Variants in AFF4 observed in about 807,000 individuals in gnomAD.
The protein encoded by AFF4 is ALF transcription elongation factor 4.
AFF4 carries 13 observed loss-of-function variants against 124.8 expected under a neutral mutation model. The ratio of observed to expected loss-of-function variants is 0.10; its 90% CI spans 0.07 to 0.17. The LOEUF (loss-of-function observed/expected upper bound fraction) is 0.17. AFF4 is among the 10% of genes least tolerant of loss of function. The pLI is 1.00. For missense variants in AFF4, 1,092 were observed against 1,403.8 expected (o/e 0.78, Z 3.55); for synonymous variants, 477 against 496.1 (o/e 0.96, Z 0.51).
intron 13 of AFF4, among the ~76,000 whole-genome samples, chr5:132,891,298 AAATTTT>A (rs1316318239): frequency 1.9e-4 from 29 of 152,296 alleles, no homozygotes; most frequent in Non-Finnish European, 1.5e-4. Flanking sequence ...TCAATTTAAA[AAATTTT>A]AATTTTACCA....
At chr5:132,919,347 T>C (rs1760986597) in intron 5 of AFF4, among the ~76,000 whole-genome samples, 1 of 152,110 alleles carries the variant, frequency 6.6e-6, no homozygotes, top group Non-Finnish European at 1.5e-5. Context: ...AACAGGTTAA[T>C]GAAACATAAA....
At chr5:132,934,968 T>C in intron 2 of AFF4, 27 bp from the exon 3 acceptor site, 1 of 1,458,230 alleles carries the variant, frequency 6.9e-7, no homozygotes, top group Non-Finnish European at 9.1e-7. Context: ...TAAAATAAAA[T>C]TATAAAATGA....
At chr5:132,884,880 A>C (rs1440901821) in intron 19 of AFF4, among the ~76,000 whole-genome samples, 196 bp downstream of exon 19, 1 of 152,230 alleles carries the variant, frequency 6.6e-6, no homozygotes, top group African/African-American at 2.4e-5. Flanking sequence ...TCTCATATCT[A>C]ATCTTTATGA....
chr5:132,959,716 A>C (rs1283223392), intron 1 of AFF4, among the ~76,000 whole-genome samples: 1 of 149,202 alleles, frequency 6.7e-6, no homozygotes, highest in Non-Finnish European at 1.5e-5. Context: ...ATAACCAAGA[A>C]GGGTATGTAT....
chr5:132,888,739 C>T (rs990668459), intron 14 of AFF4, among the ~76,000 whole-genome samples: 1 of 151,882 alleles, frequency 6.6e-6, no homozygotes, highest in Admixed American at 6.6e-5. Flanking sequence ...GCTCTGTTGC[C>T]CAGGCGGGAG....
chr5:132,877,051 TATGTTCC>T lies in AFF4; in HGVS notation c.*4001_*4007del, dbSNP rs1178273293. ...TAATGCATAAAGCTGAAATGAAATT[TATGTTCC>T]ATGTATTAGGGGATATACAGGTATG... is the stretch of plus-strand genomic sequence containing the variant. On this transcript the variant is annotated 3_prime_UTR_variant, in exon 21 of 21. Transcript: ENST00000265343. 2.5e-5 allele frequency: 5 copies of T among 200,806 alleles called. No homozygotes were observed. The highest frequency in any genetic ancestry group is 9.2e-5 in the African/African-American group (4 of 43,540). The allele number at this position is 200,806 out of a possible 1,614,324, so 12.4% of individuals were successfully genotyped here.
intron 5 of AFF4, among the ~76,000 whole-genome samples, chr5:132,919,160 A>G (rs1261232145): frequency 6.6e-6 from 1 of 152,232 alleles, no homozygotes; most frequent in Non-Finnish European, 1.5e-5. Flanking sequence ...TGCTGGGATT[A>G]CAGGTGTGAG....
In AFF4 at chr5:132,894,841, C is replaced by A. The variant is rs555727577; in HGVS notation, c.2307+1482G>T. Among the ~76,000 whole-genome samples the A allele has an allele frequency of 3.3e-5, 5 of 152,024 alleles. No homozygotes were observed. The South Asian group carries it at 1.0e-3, about 32-fold the overall frequency. ...TGGGGTCGCATGCCTGTAGTCCTAG[C>A]TACTTGGGAGGCTGAGGAGGGAGGA... On this transcript the variant is annotated intron_variant, in intron 11 of 20. Coordinates refer to ENST00000265343, the MANE Select transcript of AFF4 (RefSeq NM_014423.4).
In AFF4 at chr5:132,876,637, A is replaced by C. The variant is rs1002725603; in HGVS notation, c.*4422T>G. On this transcript the variant is annotated 3_prime_UTR_variant, in exon 21 of 21. Coordinates refer to ENST00000265343, the MANE Select transcript of AFF4 (RefSeq NM_014423.4). ...GATCTCTAAGACTTGGATTAGACTT[A>C]ACTTGAATACCTTATTCTGTGACCA... is the stretch of plus-strand genomic sequence containing the variant. 5.0e-6 allele frequency: 1 copy of C among 200,532 alleles called. No homozygotes were observed. Among genetic ancestry groups the C allele is most frequent in the Non-Finnish European group, 1.0e-5 (1 of 97,184 alleles). The allele number at this position is 200,532 out of a possible 1,614,324, so 12.4% of individuals were successfully genotyped here.
intron 1 of AFF4, among the ~76,000 whole-genome samples, chr5:132,951,824 A>G (rs1197418021): frequency 6.6e-6 from 1 of 152,124 alleles, no homozygotes; most frequent in African/African-American, 2.4e-5. Context: ...CACCACACCC[A>G]GCTAGGAATT....
intron 1 of AFF4, among the ~76,000 whole-genome samples, chr5:132,961,330 C>A (rs1581345556): frequency 1.3e-5 from 2 of 152,180 alleles, no homozygotes; most frequent in East Asian, 1.9e-4. Flanking sequence ...GGTTCTCATG[C>A]CTCAGCCTCT....
At chr5:132,920,641 C>T (rs1002554264) in intron 5 of AFF4, among the ~76,000 whole-genome samples, 1 of 152,082 alleles carries the variant, frequency 6.6e-6, no homozygotes, top group Non-Finnish European at 1.5e-5. Flanking sequence ...AGGCAAGAGC[C>T]ACCTCACCCA....
chr5:132,960,970 C>T (rs1413035401), intron 1 of AFF4, among the ~76,000 whole-genome samples: 1 of 152,096 alleles, frequency 6.6e-6, no homozygotes, highest in African/African-American at 2.4e-5. Context: ...TGCCTGTAAT[C>T]CCAACACTTT....
intron 1 of AFF4, among the ~76,000 whole-genome samples, chr5:132,953,555 A>G (rs1561513409): frequency 1.3e-5 from 2 of 152,184 alleles, no homozygotes; most frequent in East Asian, 3.9e-4. Flanking sequence ...ACCATGCCCA[A>G]TCCCAAAAAT....
chr5:132,894,399 C>T (rs933151101), intron 11 of AFF4, among the ~76,000 whole-genome samples: 18 of 152,258 alleles, frequency 1.2e-4, no homozygotes, highest in African/African-American at 3.9e-4. Flanking sequence ...TGATGGAAAA[C>T]ACAAGTGGTG....
chr5:132,956,920 T>A (rs1761973159), intron 1 of AFF4, among the ~76,000 whole-genome samples: 1 of 139,910 alleles, frequency 7.1e-6, no homozygotes, highest in Non-Finnish European at 1.5e-5. Context: ...CTCAGGAGGC[T>A]GAGGCAGAAG....
intron 6 of AFF4, 77 bp from the exon 7 acceptor site, chr5:132,902,564 A>G: frequency 1.9e-6 from 2 of 1,058,878 alleles, no homozygotes; most frequent in Non-Finnish European, 2.9e-6. Flanking sequence ...AATACCCTCA[A>G]ATAAATGTAA....
chr5:132,886,845 G>A (rs1760131389), intron 17 of AFF4, among the ~76,000 whole-genome samples: 1 of 152,190 alleles, frequency 6.6e-6, no homozygotes, highest in Non-Finnish European at 1.5e-5. Flanking sequence ...CTTCTCGCTG[G>A]TCTTCTTTTA....
chr5:132,911,249 C>T (rs1760785691), intron 5 of AFF4, among the ~76,000 whole-genome samples: 1 of 152,154 alleles, frequency 6.6e-6, no homozygotes. Context: ...TCAAAAGACA[C>T]TCTGATATCT....
Sources: allele counts gnomAD v4.1 joint callset (sites outside exome capture counted in the v4.1 genomes callset), GRCh38; gene constraint gnomAD v4.1.1; transcripts MANE v1.5; gene names NCBI Gene and HGNC (gene_info 2026-07-23, HGNC 2026-07-21).